The following TJP2 variants were observed in gnomAD, a reference collection of about 807,000 sequenced individuals.
The protein encoded by TJP2 is Friedreich ataxia region gene X104 (tight junction protein ZO-2).
TJP2 carries 91 observed loss-of-function variants against 133.1 expected under a neutral mutation model. The ratio of observed to expected loss-of-function variants is 0.68; its 90% CI spans 0.58 to 0.81. The LOEUF (loss-of-function observed/expected upper bound fraction) is 0.81. TJP2 is among the 40% of genes least tolerant of loss of function. TJP2 has a pLI of 0.00. For missense variants in TJP2, 1,541 were observed against 1,565.6 expected (o/e 0.98, Z 0.26); for synonymous variants, 592 against 583.4 (o/e 1.01, Z -0.21).
At chr9:69,222,044 TTATTTTTA>T (rs1252848225) in intron 5 of TJP2, among the ~76,000 whole-genome samples, 5 of 151,490 alleles carry the variant, frequency 3.3e-5, no homozygotes, top group Non-Finnish European at 5.9e-5. Context: ...GCTGATTTTT[TTATTTTTA>T]GTAGAGACGG....
chr9:69,155,518 A>G (rs935938572), intron 2 of TJP2, among the ~76,000 whole-genome samples: 1 of 152,242 alleles, frequency 6.6e-6, no homozygotes, highest in Non-Finnish European at 1.5e-5. Context: ...AGTCTGGGGT[A>G]AGTCCCAGGA....
At chr9:69,230,298 T>C (rs894614889) in intron 11 of TJP2, 66 bp downstream of exon 11, 14 of 1,602,546 alleles carry the variant, frequency 8.7e-6, no homozygotes, top group Admixed American at 1.7e-5. Flanking sequence ...GGGTGTTCTT[T>C]CTGTAAGGGA....
intron 18 of TJP2, among the ~76,000 whole-genome samples, chr9:69,247,127 A>G (rs1040742353): frequency 6.6e-6 from 1 of 152,208 alleles, no homozygotes; most frequent in African/African-American, 2.4e-5. Flanking sequence ...AGTGCAGATG[A>G]GAGGTGAGGT....
intron 22 of TJP2, chr9:69,253,189 C>G (rs1231557804): frequency 2.2e-6 from 1 of 458,722 alleles, no homozygotes; most frequent in Non-Finnish European, 4.0e-6. Flanking sequence ...ACATGGTTAG[C>G]ACATGAGCAG....
intron 1 of TJP2, among the ~76,000 whole-genome samples, chr9:69,183,660 T>G (rs1825662472): frequency 6.6e-6 from 1 of 152,244 alleles, no homozygotes; most frequent in African/African-American, 2.4e-5. Flanking sequence ...CATTGCCTTG[T>G]GGACATGTAC....
At chr9:69,240,909 T>A (rs1054381394) in intron 17 of TJP2, among the ~76,000 whole-genome samples, 9 of 151,178 alleles carry the variant, frequency 6.0e-5, no homozygotes, top group African/African-American at 7.3e-5. Context: ...GTGATTTTTT[T>A]AAAAACAAAG....
At chr9:69,148,881 T>C (rs1219089496) in intron 1 of TJP2, among the ~76,000 whole-genome samples, 1 of 152,228 alleles carries the variant, frequency 6.6e-6, no homozygotes, top group Admixed American at 6.5e-5. Flanking sequence ...TATTTTCCAG[T>C]GCTAACTCGG....
chr9:69,249,797 A>C, intron 20 of TJP2: 2 of 971,690 alleles, frequency 2.1e-6, no homozygotes, highest in Non-Finnish European at 2.4e-6. Context: ...TATACCCAGA[A>C]TCACCAATCG....
In TJP2 at chr9:69,174,306, G is replaced by T; in HGVS notation, c.-67G>T. 3.9e-6 allele frequency: 6 copies of T among 1,550,312 alleles called. No individual in the cohort carries two copies. The highest frequency in any genetic ancestry group is 5.2e-6 in the Non-Finnish European group (6 of 1,146,674). On this transcript the variant is annotated 5_prime_UTR_variant, in exon 1 of 23. Transcript: ENST00000377245. ...CACTGTCCGGTGGTGCCCAGGAGGA[G>T]TAGGAGCAGGAGCAGAAGCAGAAGC... is the stretch of plus-strand genomic sequence containing the variant.
chr9:69,199,270 T>C (rs1162050070), intron 1 of TJP2, among the ~76,000 whole-genome samples: 1 of 152,122 alleles, frequency 6.6e-6, no homozygotes, highest in African/African-American at 2.4e-5. Context: ...ACGTGGTGGC[T>C]CACATCTGTA....
chr9:69,181,723 G>T (rs1322845701), intron 1 of TJP2, among the ~76,000 whole-genome samples: 1 of 151,960 alleles, frequency 6.6e-6, no homozygotes, highest in Non-Finnish European at 1.5e-5. Flanking sequence ...AACTACGTTT[G>T]TGTTTGCTTG....
At chr9:69,171,177 G>T (rs1167876280), upstream of TJP2, among the ~76,000 whole-genome samples, 1 of 152,150 alleles carries the variant, frequency 6.6e-6, no homozygotes, top group African/African-American at 2.4e-5. Flanking sequence ...CCAGAAACCT[G>T]AGAGTCAGCG....
At chr9:69,174,465 G>T in intron 1 of TJP2, 33 bp downstream of exon 1, 3 of 1,391,224 alleles carry the variant, frequency 2.2e-6, no homozygotes, top group Non-Finnish European at 3.0e-6. Context: ...CGGTTGGGAG[G>T]AGGGTCGTGA....
intron 1 of TJP2, chr9:69,151,617 C>G: frequency 1.6e-6 from 2 of 1,231,930 alleles, no homozygotes; most frequent in Non-Finnish European, 2.0e-6. Context: ...AGGGAATGAG[C>G]ATGTTGGATT....
chr9:69,184,553 T>C (rs776248943), intron 1 of TJP2, among the ~76,000 whole-genome samples: 3 of 152,190 alleles, frequency 2.0e-5, no homozygotes, highest in Non-Finnish European at 4.4e-5. Flanking sequence ...TGTACCTCGC[T>C]GGTAGAACCC....
intron 1 of TJP2, among the ~76,000 whole-genome samples, chr9:69,131,294 C>A (rs865818004): frequency 6.6e-6 from 1 of 152,068 alleles, no homozygotes; most frequent in African/African-American, 2.4e-5. Flanking sequence ...TGATATAAGC[C>A]GATTCTGAGA....
At chr9:69,222,627 T>C (rs1189698698) in intron 5 of TJP2, among the ~76,000 whole-genome samples, 2 of 152,248 alleles carry the variant, frequency 1.3e-5, no homozygotes, top group African/African-American at 4.8e-5. Context: ...TTCATTGATA[T>C]ACACAAAGTT....
chr9:69,130,015 C>CAAAAAAAAAAAAAAAAA (rs11355311), intron 1 of TJP2, among the ~76,000 whole-genome samples: 4 of 94,174 alleles, frequency 4.2e-5, no homozygotes, highest in East Asian at 2.8e-4. Flanking sequence ...AACTCTGCCT[C>CAAAAAAAAAAAAAAAAA]AAAAAAAAAA....
At chr9:69,230,576 CCCCTG>C (rs1829697821) in intron 11 of TJP2, among the ~76,000 whole-genome samples, 1 of 152,128 alleles carries the variant, frequency 6.6e-6, no homozygotes, top group South Asian at 2.1e-4. Flanking sequence ...CACTGTGTTC[CCCCTG>C]CCTGCCATCT....
Sources: gnomAD v4.1 joint callset for allele counts (sites outside exome capture counted in the v4.1 genomes callset) on GRCh38, gnomAD v4.1.1 for gene constraint, MANE v1.5 for transcripts, NCBI Gene and HGNC (gene_info 2026-07-23, HGNC 2026-07-21) for gene names.